The following MVP variants were observed in gnomAD, a reference collection of about 807,000 sequenced individuals.
The protein encoded by MVP is major vault protein, also known as lung resistance-related protein.
A neutral mutation model predicts 83.5 loss-of-function variants in MVP; 62 were observed. The observed-to-expected ratio is 0.74, with a 90% CI of 0.61 to 0.92. The LOEUF is 0.92. MVP is among the 40% of genes least tolerant of loss of function. The probability of loss-of-function intolerance (pLI) is 0.00; values close to 1 mark genes in which losing one functional copy is unlikely to be tolerated. For missense variants in MVP, 1,000 were observed against 1,203.4 expected (o/e 0.83, Z 2.50); for synonymous variants, 505 against 504.1 (o/e 1.00, Z -0.02).
intron 10 of MVP, among the ~76,000 whole-genome samples, chr16:29,843,587 A>AGGGAGGGAGGGAGGGAGGGAGGGAG (rs1298449257): frequency 1.7e-5 from 1 of 58,260 alleles, no homozygotes; most frequent in Non-Finnish European, 3.3e-5. Context: ...GGAGGAAGGG[A>AGGGAGGGAGGGAGGGAGGGAGGGAG]GGAAGGGAGG....
At chr16:29,822,879 G>A (rs569002322) in intron 1 of MVP, among the ~76,000 whole-genome samples, 269 of 152,080 alleles carry the variant, frequency 1.8e-3, no homozygotes, top group African/African-American at 5.5e-3. Context: ...CACCATGTAC[G>A]GCTAATTTTT....
intron 1 of MVP, among the ~76,000 whole-genome samples, chr16:29,823,310 A>G (rs1596906157): frequency 6.7e-6 from 1 of 148,362 alleles, no homozygotes; most frequent in Non-Finnish European, 1.5e-5. Flanking sequence ...TATGGTTTTT[A>G]TAGAGACAGG....
rs754161146 is a variant in MVP, at chr16:29,831,008, G to A, written c.256G>A (p.Ala86Thr). 14 of 1,613,748 alleles carry A rather than the reference G, an allele frequency of 8.7e-6. No homozygotes were observed. The highest frequency in any genetic ancestry group is 5.3e-5 in the African/African-American group (4 of 74,874). The change falls in exon 3 of 15, where the codon GCT (alanine) becomes ACT (threonine). Residue 86 changes from alanine (A) to threonine (T), a missense_variant. Physicochemically the swap from Ala to Thr is moderately conservative, Grantham distance 58. Coordinates refer to ENST00000357402, the MANE Select transcript of MVP (RefSeq NM_005115.5). Reference protein sequence around the residue: ...DVTGQVRLRHADLEIRLAQDP... With the variant: ...DVTGQVRLRHTDLEIRLAQDP... ...CACAGGGCAAGTTCGGCTTCGCCAC[G>A]CTGACCTCGAGATCCGGCTGGCCCA...
intron 11 of MVP, 77 bp from the exon 12 acceptor site, chr16:29,845,786 G>C (rs1441241854): frequency 1.4e-5 from 18 of 1,326,434 alleles, no homozygotes; most frequent in Non-Finnish European, 1.8e-5. Flanking sequence ...CGGTTTGGTT[G>C]GTGGCCGCTG....
At chr16:29,828,533 C>G (rs1365659810) in intron 1 of MVP, among the ~76,000 whole-genome samples, 1 of 152,068 alleles carries the variant, frequency 6.6e-6, no homozygotes, top group Non-Finnish European at 1.5e-5. Context: ...GTACCCGCCA[C>G]CACAACTGGC....
chr16:29,837,400 C>T (rs1014903439), intron 7 of MVP, among the ~76,000 whole-genome samples: 4 of 152,222 alleles, frequency 2.6e-5, no homozygotes, highest in Non-Finnish European at 5.9e-5. Context: ...GGCAGCTGAA[C>T]ACAATGGCAA....
Position 29,845,852 on chromosome 16 carries a change from G to A in MVP, c.2022-11G>A, listed in dbSNP as rs767627886. 1.6e-5 allele frequency: 25 copies of A among 1,612,806 alleles called. No homozygotes were observed. Among genetic ancestry groups the A allele is most frequent in the African/African-American group, 2.7e-5 (2 of 74,884 alleles). The stretch of plus-strand genomic sequence containing the variant: ...CATGCCAGCCTCTCACCTGCGCTCC[G>A]TCTCCTCCAGGCATGAGGCTCAGAG... On this transcript the variant is annotated splice_polypyrimidine_tract_variant and intron_variant, in intron 11 of 14. Coordinates refer to ENST00000357402, the MANE Select transcript of MVP (RefSeq NM_005115.5).
intron 7 of MVP, among the ~76,000 whole-genome samples, chr16:29,838,417 C>T (rs947394642): frequency 6.8e-6 from 1 of 146,508 alleles, no homozygotes; most frequent in Non-Finnish European, 1.5e-5. Context: ...GCCTGGGTGA[C>T]AGAGCAAGAC....
At chr16:29,837,732 C>T (rs573717755) in intron 7 of MVP, among the ~76,000 whole-genome samples, 1 of 151,202 alleles carries the variant, frequency 6.6e-6, no homozygotes, top group South Asian at 2.1e-4. Flanking sequence ...CTAGCCTGGG[C>T]GATAGAGTGA....
intron 2 of MVP, 85 bp downstream of exon 2, chr16:29,830,759 C>G (rs2150752558): frequency 6.3e-7 from 1 of 1,580,980 alleles, no homozygotes. Context: ...CCTCCTCCCT[C>G]TTCCCAAGCA....
chr16:29,823,909 T>C (rs561014840), intron 1 of MVP, among the ~76,000 whole-genome samples: 1 of 149,992 alleles, frequency 6.7e-6, no homozygotes, highest in East Asian at 2.0e-4. Flanking sequence ...CCAGACCAAT[T>C]AAATAGAATC....
At chr16:29,827,190 G>A (rs891587858) in intron 1 of MVP, among the ~76,000 whole-genome samples, 3 of 152,146 alleles carry the variant, frequency 2.0e-5, no homozygotes, top group Non-Finnish European at 2.9e-5. Context: ...TCCTACAAGC[G>A]AAGGGAAAGT....
In MVP at chr16:29,833,759, G is replaced by C. The variant is rs762638704; in HGVS notation, c.348G>C (p.Leu116=). 6.2e-7 allele frequency: 1 copy of C among 1,613,940 alleles called. No homozygotes were observed. The highest frequency in any genetic ancestry group is 8.5e-7 in the Non-Finnish European group (1 of 1,180,010). The change falls in exon 4 of 15, where the codon CTG becomes CTC. Residue 116 remains leucine, a synonymous_variant. Coordinates refer to ENST00000357402, the MANE Select transcript of MVP (RefSeq NM_005115.5). ...ACATCACACCCCTGCAGGTGGTTCT[G>C]CCCAACACTGCCCTCCATCTAAAGG... is the stretch of plus-strand genomic sequence containing the variant. ...EKDITPLQVV[L]PNTALHLKAL... is the part of the protein sequence containing the mutation.
At position 29,841,918 on chromosome 16, in the gene MVP, G is replaced by T. The variant is rs1365722411; in HGVS notation, c.1440G>T (p.Val480=). The T allele has an allele frequency of 1.9e-6, 3 of 1,612,252 alleles. No homozygotes were observed. Among genetic ancestry groups the T allele is most frequent in the Non-Finnish European group, 2.5e-6 (3 of 1,180,012 alleles). ...VYDYREKRAR[V]VFGPELVSLG... is the part of the protein sequence containing the mutation. The stretch of plus-strand genomic sequence containing the variant: ...TGACCCTCGGCTGTCTCTGCAGCGT[G>T]GTCTTCGGGCCTGAGCTGGTGTCGC... Residue 480 remains valine, a synonymous_variant, in exon 10 of 15, where the codon GTG becomes GTT. Coordinates refer to ENST00000357402, the MANE Select transcript of MVP (RefSeq NM_005115.5). This position sits in a 1 kb window ranked among gnomAD's most constrained non-coding sequence, Gnocchi z 4.7.
At position 29,841,452 on chromosome 16, in the gene MVP, CG is replaced by C. The variant is rs2067533732; in HGVS notation, c.1192-140del. ...TGACAGGGCCAGCAGATGGCAAACC[CG>C]GGGTGGAGCCTGGCCTCCCCGTAGA... On this transcript the variant is annotated intron_variant, in intron 8 of 14. Coordinates refer to ENST00000357402, the MANE Select transcript of MVP (RefSeq NM_005115.5). This position sits in a 1 kb window ranked among gnomAD's most constrained non-coding sequence, Gnocchi z 4.7. 1 of 1,135,568 alleles carries C rather than the reference CG, an allele frequency of 8.8e-7. No homozygotes were observed. Among genetic ancestry groups the C allele is most frequent in the Non-Finnish European group, 1.2e-6 (1 of 824,484 alleles). The allele number at this position is 1,135,568 out of a possible 1,614,324, so 70.3% of individuals were successfully genotyped here.
chr16:29,841,502 G>A lies in MVP; in HGVS notation c.1192-94G>A, dbSNP rs1473930461. On this transcript the variant is annotated intron_variant, in intron 8 of 14. Transcript: ENST00000357402. The surrounding 1 kb of genome is among the most constrained non-coding windows in gnomAD (Gnocchi z 4.7). ...GAGAAGGTGTTTAACCTCGTGGCGCGCCTTCCCTGGATGGGCTCTGCTTTG... is the reference window on the plus strand; with the variant it reads ...GAGAAGGTGTTTAACCTCGTGGCGCACCTTCCCTGGATGGGCTCTGCTTTG... The A allele has an allele frequency of 1.0e-5, 15 of 1,464,796 alleles. No individual in the cohort carries two copies. Among genetic ancestry groups the A allele is most frequent in the East Asian group, 4.6e-5 (2 of 43,168 alleles). The allele number at this position is 1,464,796 out of a possible 1,614,324, so 90.7% of individuals were successfully genotyped here. A position where few individuals can be genotyped will look rare whatever the true frequency, so the allele number is the denominator to read the frequency against.
At chr16:29,827,302 T>C (rs768271754) in intron 1 of MVP, among the ~76,000 whole-genome samples, 41 of 152,166 alleles carry the variant, frequency 2.7e-4, no homozygotes, top group Non-Finnish European at 5.7e-4. Context: ...CCCTGTGATG[T>C]GGAAAGTGTG....
chr16:29,834,682 CTT>C (rs781580496), intron 5 of MVP: 9 of 141,188 alleles, frequency 6.4e-5, no homozygotes, highest in Non-Finnish European at 4.7e-5. Flanking sequence ...ACCATTCCCA[CTT>C]TTTTTTTTTT....
chr16:29,821,496 G>A (rs2067360732), intron 1 of MVP: 1 of 152,474 alleles, frequency 6.6e-6, no homozygotes, highest in Non-Finnish European at 1.5e-5. Flanking sequence ...TTCTGGGGGA[G>A]CAGAGGCTGG....
Sources: allele counts gnomAD v4.1 joint callset (sites outside exome capture counted in the v4.1 genomes callset), GRCh38; gene constraint gnomAD v4.1.1; non-coding constraint Gnocchi (gnomAD v3.1); transcripts MANE v1.5; gene names NCBI Gene and HGNC (gene_info 2026-07-23, HGNC 2026-07-21).